The following PIEZO1 variants were observed in gnomAD, a reference collection of about 807,000 sequenced individuals.
PIEZO1 encodes piezo-type mechanosensitive ion channel component 1.
PIEZO1 carries 296 observed loss-of-function variants against 297.2 expected under a neutral mutation model. The ratio of observed to expected loss-of-function variants is 1.00; its 90% CI spans 0.91 to 1.10. The LOEUF (loss-of-function observed/expected upper bound fraction) is 1.10, where lower values mean the gene tolerates loss of function less well. PIEZO1 is among the 50% of genes least tolerant of loss of function. PIEZO1 has a pLI of 0.00. For missense variants in PIEZO1, 5,018 were observed against 3,455.5 expected (o/e 1.45, Z -11.34); for synonymous variants, 2,427 against 1,507.5 (o/e 1.61, Z -14.13).
At position 88,720,454 on chromosome 16, in the gene PIEZO1, G is replaced by C. The variant is rs1406039991; in HGVS notation, c.5880C>G (p.Val1960=). 6.4e-7 allele frequency: 1 copy of C among 1,550,496 alleles called. No homozygotes were observed. Among genetic ancestry groups the C allele is most frequent in the Non-Finnish European group, 8.7e-7 (1 of 1,146,942 alleles). The change falls in exon 41 of 51, where the codon GTC becomes GTG. Residue 1960 remains valine (V), a synonymous_variant. Coordinates refer to ENST00000301015, the MANE Select transcript of PIEZO1 (RefSeq NM_001142864.4). ...CATCAGCCAGGAACATGAGGGCATA[G>C]ACGTCGGTGGCTGCGCGGTACTTGG... The part of the protein sequence containing the change: ...LHTKYRAATD[V]YALMFLADVV...
chr16:88,732,512 C>G lies in PIEZO1; in HGVS notation c.2814G>C (p.Leu938=). 6.5e-7 allele frequency: 1 copy of G among 1,547,490 alleles called. No individual in the cohort carries two copies. The highest frequency in any genetic ancestry group is 8.7e-7 in the Non-Finnish European group (1 of 1,144,740). ...GGTACACGATGGCCTCGAATACCAGCAGCAGCAGCACTTGCAGGTGGTTCT... is the reference window on the plus strand; with the variant it reads ...GGTACACGATGGCCTCGAATACCAGGAGCAGCAGCACTTGCAGGTGGTTCT... The part of the protein sequence containing the change: ...YIQNHLQVLL[L]LVFEAIVYRR... The change falls in exon 21 of 51, where the codon CTG becomes CTC. Residue 938 remains leucine (L), a synonymous_variant. Transcript: ENST00000301015.
Position 88,734,469 on chromosome 16 carries a change from G to T in PIEZO1, c.2067C>A (p.Phe689Leu), listed in dbSNP as rs1180062108. 1 of 1,549,830 alleles carries T rather than the reference G, an allele frequency of 6.5e-7. No individual in the cohort carries two copies. The highest frequency in any genetic ancestry group is 1.4e-5 in the African/African-American group (1 of 73,062). Reference protein sequence around the residue: ...ELFSSILVPGFFLLACILQLH... With the variant: ...ELFSSILVPGLFLLACILQLH... ...GCTGCAGGATGCAGGCCAGGAGGAAGAAGCCGGGCACCAGGATGCTGGAGA... is the reference window on the plus strand; with the variant it reads ...GCTGCAGGATGCAGGCCAGGAGGAATAAGCCGGGCACCAGGATGCTGGAGA... The change falls in exon 16 of 51, where the codon TTC (phenylalanine) becomes TTA (leucine). Residue 689 changes from phenylalanine (F) to leucine (L), a missense_variant. Transcript: ENST00000301015.
At chr16:88,727,462 C>A (rs541820619) in intron 23 of PIEZO1, 95 bp downstream of exon 23, 1 of 644,546 alleles carries the variant, frequency 1.6e-6, no homozygotes, top group Non-Finnish European at 2.7e-6. Flanking sequence ...CACCTCCGCC[C>A]GTGCACGCCT....
At chr16:88,784,875 C>T in intron 1 of PIEZO1, 26 bp downstream of exon 1, 1 of 1,413,342 alleles carries the variant, frequency 7.1e-7, no homozygotes, top group Admixed American at 2.4e-5. Context: ...CCTCCCGTCG[C>T]CCCCAGGCGC....
intron 47 of PIEZO1, 27 bp from the exon 48 acceptor site, chr16:88,716,510 A>G (rs936661021): frequency 6.5e-7 from 1 of 1,539,148 alleles, no homozygotes; most frequent in Non-Finnish European, 8.8e-7. Flanking sequence ...AGCGTGACCC[A>G]CTGTAGTGGG....
rs554257960 is a variant in PIEZO1, at chr16:88,731,662, C to G, written c.3196+44G>C. 781 of 1,489,018 alleles carry G rather than the reference C, an allele frequency of 5.2e-4. 1 individual carries two copies. The highest frequency in any genetic ancestry group is 6.4e-4 in the Middle Eastern group (3 of 4,704). 92.2% of individuals were successfully genotyped at this position (1,489,018 alleles called of 1,614,324 possible). A position where few individuals can be genotyped will look rare whatever the true frequency, so the allele number is the denominator to read the frequency against. On this transcript the variant is annotated intron_variant, in intron 22 of 50. Transcript: ENST00000301015. ...CGGGAAACACCCCCACGGGCATCCA[C>G]AAAGCCACAAAGCCCACTCCCACCC...
intron 1 of PIEZO1, among the ~76,000 whole-genome samples, chr16:88,782,912 CTGAG>C (rs1259153513): frequency 6.6e-6 from 1 of 152,120 alleles, no homozygotes; most frequent in Non-Finnish European, 1.5e-5. Context: ...AGAGAAAACA[CTGAG>C]TGAGGCCCAG....
chr16:88,741,596 G>C lies in PIEZO1; in HGVS notation c.347C>G (p.Pro116Arg). ...AGGGGCCACCAGCCGGATGGCGTTGGGGATGTCCTTCAGGTCCAGCCTGCG... is the reference window on the plus strand; with the variant it reads ...AGGGGCCACCAGCCGGATGGCGTTGCGGATGTCCTTCAGGTCCAGCCTGCG... ...GVTRLDLKDI[P>R]NAIRLVAPDL... The change falls in exon 5 of 51, where the codon CCC (proline) becomes CGC (arginine). Residue 116 changes from proline (P) to arginine (R), a missense_variant. By Grantham distance (103) the Pro-to-Arg change is moderately radical. Coordinates refer to ENST00000301015, the MANE Select transcript of PIEZO1 (RefSeq NM_001142864.4). 5 of 1,535,440 alleles carry C rather than the reference G, an allele frequency of 3.3e-6. No individual in the cohort carries two copies. The highest frequency in any genetic ancestry group is 4.4e-6 in the Non-Finnish European group (5 of 1,146,690).
Position 88,785,129 on chromosome 16 carries a change from C to A in PIEZO1, c.-165G>T. 1 of 352,026 alleles carries A rather than the reference C, an allele frequency of 2.8e-6. No homozygotes were observed. Among genetic ancestry groups the A allele is most frequent in the African/African-American group, 2.2e-5 (1 of 46,416 alleles). The allele number at this position is 352,026 out of a possible 1,614,324, so 21.8% of individuals were successfully genotyped here. Reference sequence around the variant, plus strand: ...GGCCGCCCCGCCGGTGCCGACGTCCCGGGCCCGCGCTCGCTCAGGCGACCG... The same window carrying A: ...GGCCGCCCCGCCGGTGCCGACGTCCAGGGCCCGCGCTCGCTCAGGCGACCG... On this transcript the variant is annotated 5_prime_UTR_variant, in exon 1 of 51. Coordinates refer to ENST00000301015, the MANE Select transcript of PIEZO1 (RefSeq NM_001142864.4).
chr16:88,742,657 GCCTGGGGCC>G (rs1567679265), intron 2 of PIEZO1: 19 of 519,990 alleles, frequency 3.7e-5, no homozygotes, highest in African/African-American at 2.9e-4. Flanking sequence ...AGCAGGATGG[GCCTGGGGCC>G]CACAGGCAGG....
In PIEZO1 at chr16:88,733,937, G is replaced by C. The variant is rs528258578; in HGVS notation, c.2298C>G (p.Ala766=). 4.5e-6 allele frequency: 7 copies of C among 1,538,624 alleles called. No homozygotes were observed. The highest frequency in any genetic ancestry group is 6.1e-6 in the Non-Finnish European group (7 of 1,140,084). Residue 766 remains alanine, a synonymous_variant, in exon 17 of 51, where the codon GCC becomes GCG. Coordinates refer to ENST00000301015, the MANE Select transcript of PIEZO1 (RefSeq NM_001142864.4). ...EDSRDEGLGV[A]TPHQATQVPE... ...GCACCTGCGTGGCCTGGTGGGGAGT[G>C]GCCACGCCCAGCCCCTCGTCCCTGG...
At chr16:88,734,289 C>A in intron 16 of PIEZO1, 67 bp downstream of exon 16, 1 of 1,394,908 alleles carries the variant, frequency 7.2e-7, no homozygotes, top group Non-Finnish European at 9.5e-7. Context: ...CCAACTCCCA[C>A]CTGGCTCCCT....
In PIEZO1 at chr16:88,736,381, G is replaced by A. The variant is rs1011199458; in HGVS notation, c.1324C>T (p.Leu442=). 2 of 1,549,342 alleles carry A rather than the reference G, an allele frequency of 1.3e-6. No homozygotes were observed. Among genetic ancestry groups the A allele is most frequent in the African/African-American group, 1.4e-5 (1 of 73,014 alleles). Residue 442 remains leucine, a synonymous_variant, in exon 12 of 51, where the codon CTG becomes TTG. Coordinates refer to ENST00000301015, the MANE Select transcript of PIEZO1 (RefSeq NM_001142864.4). ...GCCCAGAGCAGCAGTACGAAGGTCA[G>A]CCAGCTGTGGTAGGTGATGCTCCAT... is the stretch of plus-strand genomic sequence containing the variant. ...MVWSITYHSW[L]TFVLLLWACL...
At chr16:88,757,171 G>C (rs771406168) in intron 1 of PIEZO1, among the ~76,000 whole-genome samples, 1 of 152,192 alleles carries the variant, frequency 6.6e-6, no homozygotes, top group Non-Finnish European at 1.5e-5. Context: ...TCCAGGTTTA[G>C]ACTCCAGGTT....
Position 88,734,631 on chromosome 16 carries a change from C to G in PIEZO1, c.1997+19G>C. 6.5e-7 allele frequency: 1 copy of G among 1,549,952 alleles called. No homozygotes were observed. Among genetic ancestry groups the G allele is most frequent in the African/African-American group, 1.4e-5 (1 of 73,160 alleles). On this transcript the variant is annotated intron_variant, in intron 15 of 50. Transcript: ENST00000301015. ...CGGGGTTTCGGCGCCCCTGCCCCACCGCCCCAGCCTGGACTCACTGCTCGT... is the reference window on the plus strand; with the variant it reads ...CGGGGTTTCGGCGCCCCTGCCCCACGGCCCCAGCCTGGACTCACTGCTCGT...
chr16:88,751,436 G>A (rs932466070), intron 1 of PIEZO1, among the ~76,000 whole-genome samples: 2 of 152,314 alleles, frequency 1.3e-5, no homozygotes, highest in South Asian at 2.1e-4. Context: ...AAGCAGACAC[G>A]AAAGAATCGC....
At chr16:88,727,012 C>T (rs964967627) in intron 24 of PIEZO1, 27 bp downstream of exon 24, 11 of 1,548,206 alleles carry the variant, frequency 7.1e-6, no homozygotes, top group Admixed American at 3.9e-5. Context: ...CCAGAAGGTT[C>T]CCCGTGGAGG....
At position 88,725,619 on chromosome 16, in the gene PIEZO1, T is replaced by A. The variant is rs1283509994; in HGVS notation, c.4034A>T (p.Lys1345Met). Reference sequence around the variant, plus strand: ...CTGTCTTTTCAGCTGGGCCAGGGACTTCTCCTCTATCCTGCGGTGAAAGTC... The same window carrying A: ...CTGTCTTTTCAGCTGGGCCAGGGACATCTCCTCTATCCTGCGGTGAAAGTC... Reference protein sequence around the residue: ...SIDFHRRIEEKSLAQLKRQME... With the variant: ...SIDFHRRIEEMSLAQLKRQME... Residue 1345 changes from lysine to methionine, a missense_variant, in exon 28 of 51, where the codon AAG becomes ATG. Transcript: ENST00000301015. 1 of 1,549,598 alleles carries A rather than the reference T, an allele frequency of 6.5e-7. No individual in the cohort carries two copies. The highest frequency in any genetic ancestry group is 2.4e-5 in the East Asian group (1 of 40,898).
At chr16:88,737,880 G>A in intron 8 of PIEZO1, 54 bp downstream of exon 8, 3 of 1,532,680 alleles carry the variant, frequency 2.0e-6, no homozygotes, top group Non-Finnish European at 2.6e-6. Flanking sequence ...GAGGTCCTGA[G>A]ACCAGCCCCA....
Sources: gnomAD v4.1 joint callset for allele counts (sites outside exome capture counted in the v4.1 genomes callset) on GRCh38, gnomAD v4.1.1 for gene constraint, MANE v1.5 for transcripts, NCBI Gene and HGNC (gene_info 2026-07-23, HGNC 2026-07-21) for gene names.